Variants in SLC29A3 observed in about 807,000 individuals in gnomAD.
SLC29A3 encodes solute carrier family 29 member 3.
In SLC29A3, 18 loss-of-function variants were observed where a neutral mutation model predicts 25.4. The observed-to-expected ratio is 0.71, with a 90% confidence interval of 0.49 to 1.05. SLC29A3 has a LOEUF of 1.05. SLC29A3 is among the 50% of genes least tolerant of loss of function. The pLI, the probability that SLC29A3 is intolerant of heterozygous loss-of-function variation, is 0.00. For missense variants in SLC29A3, 586 were observed against 609.0 expected, an observed-to-expected ratio of 0.96 and a Z score of 0.40; for synonymous variants, 258 against 267.1, an observed-to-expected ratio of 0.97 and a Z score of 0.33.
intron 2 of SLC29A3, among the ~76,000 whole-genome samples, chr10:71,324,111 A>C (rs890347030): frequency 2.0e-5 from 3 of 152,210 alleles, no homozygotes; most frequent in African/African-American, 7.2e-5. Context: ...GGGGAGATAA[A>C]TGGAGCTCAA....
intron 4 of SLC29A3, among the ~76,000 whole-genome samples, chr10:71,378,421 T>C (rs182159430): frequency 8.1e-4 from 123 of 152,300 alleles, no homozygotes; most frequent in Admixed American, 1.2e-3. Context: ...GATTTTAGCC[T>C]GAGTCAACTT....
chr10:71,362,146 C>G lies in SLC29A3; in HGVS notation c.966C>G (p.Ile322Met). The G allele has an allele frequency of 6.2e-7, 1 of 1,614,130 alleles. No individual in the cohort carries two copies. Residue 322 changes from isoleucine to methionine, a missense_variant, in exon 6 of 6, where the codon ATC (isoleucine) becomes ATG (methionine). Coordinates refer to ENST00000373189, the MANE Select transcript of SLC29A3 (RefSeq NM_018344.6). Reference protein sequence around the residue: ...VTYVFFITSLIYPAICTNIES... With the variant: ...VTYVFFITSLMYPAICTNIES... ...ACGTCTTCTTCATCACCAGCCTCAT[C>G]TACCCCGCCATCTGCACCAACATCG...
At chr10:71,354,589 G>A (rs534068502) in intron 4 of SLC29A3, among the ~76,000 whole-genome samples, 9 of 152,188 alleles carry the variant, frequency 5.9e-5, no homozygotes, top group Non-Finnish European at 1.2e-4. Flanking sequence ...CCTCTGCTTC[G>A]TGCAATAGTG....
chr10:71,344,313 C>T (rs750109511), intron 3 of SLC29A3, 22 bp downstream of exon 3: 1 of 1,582,766 alleles, frequency 6.3e-7, no homozygotes, highest in Non-Finnish European at 8.7e-7. Context: ...TCTTCCCTCT[C>T]TCAGGCCTCT....
chr10:71,324,016 CAGTAGGGGA>C (rs1415135035), intron 2 of SLC29A3, among the ~76,000 whole-genome samples: 2 of 151,912 alleles, frequency 1.3e-5, no homozygotes, highest in East Asian at 3.9e-4. Flanking sequence ...GAGGTGGGGG[CAGTAGGGGA>C]AGAGGATTAA....
At chr10:71,336,277 G>C (rs1006973360) in intron 2 of SLC29A3, among the ~76,000 whole-genome samples, 1 of 152,094 alleles carries the variant, frequency 6.6e-6, no homozygotes, top group African/African-American at 2.4e-5. Flanking sequence ...TGTCTGCAAA[G>C]ACCCTATGTC....
chr10:71,335,265 C>T (rs1352406300), intron 2 of SLC29A3, among the ~76,000 whole-genome samples: 1 of 152,172 alleles, frequency 6.6e-6, no homozygotes, highest in Non-Finnish European at 1.5e-5. Flanking sequence ...AAACAAAACC[C>T]CTCTTTAGGC....
intron 2 of SLC29A3, among the ~76,000 whole-genome samples, chr10:71,327,161 G>A (rs1391167710): frequency 6.6e-6 from 1 of 152,174 alleles, no homozygotes; most frequent in Non-Finnish European, 1.5e-5. Context: ...TTCTGGGGAT[G>A]GATGCCATTT....
intron 1 of SLC29A3, among the ~76,000 whole-genome samples, chr10:71,321,860 G>A (rs1438281749): frequency 6.6e-6 from 1 of 152,206 alleles, no homozygotes; most frequent in Non-Finnish European, 1.5e-5. Flanking sequence ...ACCCAGGCAG[G>A]AGCTGCAAAC....
At position 71,370,223 on chromosome 10, in the gene SLC29A3, G is replaced by A. The variant is rs192488584; in HGVS notation, c.*95-5472G>A. 5.4e-4 allele frequency among the ~76,000 whole-genome samples: 82 copies of A among 152,354 alleles called. 1 individual carries two copies. The highest frequency in any genetic ancestry group is 1.9e-3 in the African/African-American group (80 of 41,582). ...CTCAGGTGCCACATGCCTCAAGCCT[G>A]TCCTCTCCAACGTGCCAAGGAACCG... On this transcript the variant is annotated intron_variant and NMD_transcript_variant, in intron 3 of 4. Transcript: ENST00000642772.
chr10:71,323,541 G>A (rs1005853531), intron 2 of SLC29A3, among the ~76,000 whole-genome samples: 2 of 152,254 alleles, frequency 1.3e-5, no homozygotes, highest in East Asian at 1.9e-4. Context: ...TTGCCTGTAC[G>A]AACACTTCCT....
intron 4 of SLC29A3, among the ~76,000 whole-genome samples, chr10:71,378,253 C>T (rs1003116396): frequency 1.3e-4 from 20 of 152,156 alleles, no homozygotes; most frequent in African/African-American, 3.1e-4. Context: ...AGGGACTCAA[C>T]GAAGCCGTCT....
intron 2 of SLC29A3, among the ~76,000 whole-genome samples, chr10:71,329,713 G>C (rs1846076058): frequency 6.6e-6 from 1 of 152,166 alleles, no homozygotes; most frequent in South Asian, 2.1e-4. Flanking sequence ...TGGCAACATA[G>C]TGAAACACCA....
At chr10:71,338,616 G>A (rs1010318815) in intron 2 of SLC29A3, among the ~76,000 whole-genome samples, 2 of 152,232 alleles carry the variant, frequency 1.3e-5, no homozygotes, top group Non-Finnish European at 1.5e-5. Context: ...AATTAGCTGC[G>A]TGTGGTATTG....
At chr10:71,342,789 G>A (rs1228340095) in intron 2 of SLC29A3, among the ~76,000 whole-genome samples, 1 of 152,254 alleles carries the variant, frequency 6.6e-6, no homozygotes, top group Non-Finnish European at 1.5e-5. Flanking sequence ...GAACAATGAG[G>A]TGCAGCTCAA....
At chr10:71,378,260 G>A (rs117816053) in intron 4 of SLC29A3, among the ~76,000 whole-genome samples, 89 of 152,276 alleles carry the variant, frequency 5.8e-4, no homozygotes, top group East Asian at 5.8e-3. Flanking sequence ...CAACGAAGCC[G>A]TCTTTGACCC....
chr10:71,359,383 C>A (rs1452350563), intron 5 of SLC29A3, among the ~76,000 whole-genome samples: 1 of 152,142 alleles, frequency 6.6e-6, no homozygotes, highest in African/African-American at 2.4e-5. Context: ...TGAGGCGATG[C>A]AGGAAAATTT....
At chr10:71,370,971 G>A (rs915950405) in intron 3 of SLC29A3, among the ~76,000 whole-genome samples, 1 of 151,948 alleles carries the variant, frequency 6.6e-6, no homozygotes, top group African/African-American at 2.4e-5. Context: ...AATAGAGACA[G>A]GGTCTCTTTA....
At chr10:71,349,135 A>G (rs1846677253) in intron 3 of SLC29A3, among the ~76,000 whole-genome samples, 1 of 152,188 alleles carries the variant, frequency 6.6e-6, no homozygotes, top group Non-Finnish European at 1.5e-5. Flanking sequence ...TGGGCAGGAC[A>G]CCAGCAGCAT....
Sources: allele counts gnomAD v4.1 joint callset (sites outside exome capture counted in the v4.1 genomes callset), GRCh38; gene constraint gnomAD v4.1.1; transcripts MANE v1.5; gene names NCBI Gene and HGNC (gene_info 2026-07-23, HGNC 2026-07-21).